The following ARID3B variants were observed in gnomAD, a reference collection of about 807,000 sequenced individuals.
ARID3B encodes AT-rich interactive domain-containing protein 3B.
Under a neutral mutation model 51.9 loss-of-function variants are expected in ARID3B, and 10 were observed. The observed-to-expected ratio is 0.19, with a 90% confidence interval of 0.12 to 0.33. ARID3B has a LOEUF of 0.33. Ranked by LOEUF, ARID3B falls within the 10% of genes least tolerant of loss-of-function variation. ARID3B has a pLI of 1.00. For missense variants in ARID3B, 483 were observed against 716.3 expected, an observed-to-expected ratio of 0.67 and a Z score of 3.72; for synonymous variants, 205 against 279.5, an observed-to-expected ratio of 0.73 and a Z score of 2.66.
chr15:74,557,050 C>T (rs1406093644), intron 2 of ARID3B, among the ~76,000 whole-genome samples: 1 of 152,048 alleles, frequency 6.6e-6, no homozygotes, highest in African/African-American at 2.4e-5. Context: ...GCTAGGATTA[C>T]AGACGTGAGC....
chr15:74,568,798 G>A (rs887040598), intron 2 of ARID3B, among the ~76,000 whole-genome samples: 1 of 152,134 alleles, frequency 6.6e-6, no homozygotes, highest in African/African-American at 2.4e-5. Context: ...GCAGTAAGTG[G>A]CCACTCTGGC....
chr15:74,561,404 C>G (rs899930612), intron 2 of ARID3B, among the ~76,000 whole-genome samples: 1 of 152,146 alleles, frequency 6.6e-6, no homozygotes, highest in African/African-American at 2.4e-5. Flanking sequence ...TGCCCATTCC[C>G]TTAATGTCAG....
chr15:74,569,526 G>T (rs896346509), intron 2 of ARID3B, among the ~76,000 whole-genome samples: 2 of 152,146 alleles, frequency 1.3e-5, no homozygotes, highest in African/African-American at 2.4e-5. Context: ...GGCAGAGGTC[G>T]CAGTGACCTG....
At chr15:74,567,489 G>A (rs2061703700) in intron 2 of ARID3B, among the ~76,000 whole-genome samples, 1 of 151,884 alleles carries the variant, frequency 6.6e-6, no homozygotes. Flanking sequence ...CTCTACCTGG[G>A]GTAGGTTCTC....
In ARID3B at chr15:74,560,914, G is replaced by A. The variant is rs191095698; in HGVS notation, c.553-11948G>A. On this transcript the variant is annotated intron_variant, in intron 2 of 8. Coordinates refer to ENST00000346246, the MANE Select transcript of ARID3B (RefSeq NM_006465.4). ...TAATTACCCTCAAAGATATTACTCC[G>A]CTTTGCTACCGGTGATATATTTTCC... is the stretch of plus-strand genomic sequence containing the variant. Among the ~76,000 whole-genome samples the A allele has an allele frequency of 8.3e-4, 126 of 152,246 alleles. 1 individual carries two copies. The highest frequency in any genetic ancestry group is 4.2e-3 in the Admixed American group (64 of 15,294).
chr15:74,550,566 C>T lies in ARID3B; in HGVS notation c.552+6078C>T, dbSNP rs987636726. Reference sequence around the variant, plus strand: ...ACAAAAAAAAAAAAAGTTAGCTGGGCGTGGTGGCAGGCGCCTGCGGTCCCA... The same window carrying T: ...ACAAAAAAAAAAAAAGTTAGCTGGGTGTGGTGGCAGGCGCCTGCGGTCCCA... On this transcript the variant is annotated intron_variant, in intron 2 of 8. Transcript: ENST00000346246. Among the ~76,000 whole-genome samples the T allele has an allele frequency of 3.3e-5, 5 of 151,698 alleles. No homozygotes were observed. In the South Asian group the frequency reaches 1.0e-3, roughly 32 times the overall value.
chr15:74,565,583 G>A (rs1235871635), intron 2 of ARID3B, among the ~76,000 whole-genome samples: 2 of 152,176 alleles, frequency 1.3e-5, no homozygotes, highest in African/African-American at 4.8e-5. Context: ...GCTTTAATAA[G>A]ATATTCCAGG....
chr15:74,553,156 T>G (rs781762632), intron 2 of ARID3B, among the ~76,000 whole-genome samples: 3 of 152,218 alleles, frequency 2.0e-5, no homozygotes, highest in Non-Finnish European at 2.9e-5. Context: ...TTTAGCTAAT[T>G]ATAGATTCAC....
chr15:74,547,901 T>G lies in ARID3B; in HGVS notation c.552+3413T>G, dbSNP rs977411823. ...AACTGAAAAGTGAAACTGGGAAAGC[T>G]TAAGGGTTCCAGAGATTATTCTTTG... is the stretch of plus-strand genomic sequence containing the variant. On this transcript the variant is annotated intron_variant, in intron 2 of 8. Coordinates refer to ENST00000346246, the MANE Select transcript of ARID3B (RefSeq NM_006465.4). Among the ~76,000 whole-genome samples, 5 of 152,342 alleles carry G rather than the reference T, an allele frequency of 3.3e-5. No individual in the cohort carries two copies. The East Asian group carries it at 9.6e-4, about 29-fold the overall frequency.
intron 4 of ARID3B, among the ~76,000 whole-genome samples, chr15:74,585,407 A>C (rs754845823): frequency 6.6e-6 from 1 of 152,250 alleles, no homozygotes; most frequent in Non-Finnish European, 1.5e-5. Context: ...GAACTTCACA[A>C]ATCTGGCCTT....
chr15:74,573,397 A>C, intron 4 of ARID3B, 193 bp downstream of exon 4: 1 of 619,818 alleles, frequency 1.6e-6, no homozygotes, highest in South Asian at 1.9e-5. Context: ...GTGTTGGCAC[A>C]AAGTAGATGG....
rs1268832576 is a variant in ARID3B at position 74,543,980 on chromosome 15, A to G, written c.44A>G (p.Gln15Arg). 18 of 1,611,686 alleles carry G rather than the reference A, an allele frequency of 1.1e-5. No homozygotes were observed. Among genetic ancestry groups the G allele is most frequent in the East Asian group, 2.2e-5 (1 of 44,858 alleles). ...CAGCAGCAGCAGCAGCAGCAACAAC[A>G]GAAGCAGCCACACCTGGCTCCTCTG... ...QQQQQQQQQQ[Q>R]KQPHLAPLQM... Residue 15 changes from glutamine to arginine, a missense_variant, in exon 2 of 9, where the codon CAG becomes CGG. By Grantham distance (43) the Gln-to-Arg change is conservative. Around this residue, in one of 3 missense-constraint regions of ARID3B, gnomAD observed 182 missense variants for 244.5 expected, o/e 0.74. Coordinates refer to ENST00000346246, the MANE Select transcript of ARID3B (RefSeq NM_006465.4).
intron 3 of ARID3B, 48 bp downstream of exon 3, chr15:74,572,981 G>T (rs373335623): frequency 6.2e-7 from 1 of 1,603,684 alleles, no homozygotes; most frequent in Non-Finnish European, 8.5e-7. Context: ...TTCTGCAGTG[G>T]CTTGTTACAG....
At chr15:74,556,601 C>T (rs376846403) in intron 2 of ARID3B, among the ~76,000 whole-genome samples, 1 of 152,074 alleles carries the variant, frequency 6.6e-6, no homozygotes, top group Admixed American at 6.6e-5. Flanking sequence ...TTTATAGTGG[C>T]CAGTATTTTA....
chr15:74,559,893 G>A (rs755184644), intron 2 of ARID3B, among the ~76,000 whole-genome samples: 2 of 151,680 alleles, frequency 1.3e-5, no homozygotes, highest in African/African-American at 2.4e-5. Context: ...TATAGATACA[G>A]TTTTAAATTT....
Position 74,596,041 on chromosome 15 carries a change from C to T in ARID3B, c.*267C>T. On this transcript the variant is annotated 3_prime_UTR_variant, in exon 9 of 9. Coordinates refer to ENST00000346246, the MANE Select transcript of ARID3B (RefSeq NM_006465.4). ...GTGGGGGTCTGTGGGTGTCCAGCTTCCTCCAGGGTTCCCCAGCCACCTCCC... is the reference window on the plus strand; with the variant it reads ...GTGGGGGTCTGTGGGTGTCCAGCTTTCTCCAGGGTTCCCCAGCCACCTCCC... 1 of 443,338 alleles carries T rather than the reference C, an allele frequency of 2.3e-6. No homozygotes were observed. 27.5% of individuals were successfully genotyped at this position (443,338 alleles called of 1,614,324 possible). A position where few individuals can be genotyped will look rare whatever the true frequency, so the allele number is the denominator to read the frequency against.
chr15:74,542,542 A>AAATCTT (rs1317500632), intron 1 of ARID3B, among the ~76,000 whole-genome samples: 2 of 152,328 alleles, frequency 1.3e-5, no homozygotes, highest in African/African-American at 4.8e-5. Context: ...AACCTGGAAA[A>AAATCTT]AATCTTAAAT....
rs538502146 is a variant in ARID3B, at chr15:74,569,393, C to G, written c.553-3469C>G. 1.2e-4 allele frequency among the ~76,000 whole-genome samples: 19 copies of G among 152,116 alleles called. No individual in the cohort carries two copies. The East Asian group carries it at 3.7e-3, about 29-fold the overall frequency. ...GTAGAGATGGAGTCTCCCTGACCAA[C>G]CTGGCCAACATGGCAAAACCCCATC... On this transcript the variant is annotated intron_variant, in intron 2 of 8. Transcript: ENST00000346246.
chr15:74,578,349 A>G (rs915125953), intron 4 of ARID3B, among the ~76,000 whole-genome samples: 1 of 143,214 alleles, frequency 7.0e-6, no homozygotes, highest in South Asian at 2.2e-4. Flanking sequence ...AATTTTTTGT[A>G]TTTTTAGTAG....
Sources: allele counts gnomAD v4.1 joint callset (sites outside exome capture counted in the v4.1 genomes callset), GRCh38; gene constraint gnomAD v4.1.1; regional missense constraint gnomAD v4.1.1; transcripts MANE v1.5; gene names NCBI Gene and HGNC (gene_info 2026-07-23, HGNC 2026-07-21).